The following LMX1A variants were observed in gnomAD, a reference collection of about 807,000 sequenced individuals.
The protein encoded by LMX1A is LIM homeobox transcription factor 1-alpha.
In LMX1A, 15 loss-of-function variants were observed where a neutral mutation model predicts 49.1. That is an observed-to-expected ratio of 0.31 (90% confidence interval 0.20 to 0.47). LMX1A has a LOEUF of 0.47. Among genes scored for constraint, LMX1A ranks in the 20% least tolerant of loss-of-function variants. The pLI is 1.00. For synonymous variants in LMX1A, 167 were observed against 185.7 expected, an observed-to-expected ratio of 0.90 and a Z score of 0.82; for missense variants, 372 against 475.8, an observed-to-expected ratio of 0.78 and a Z score of 2.03.
chr1:165,274,366 G>A (rs889204102), intron 3 of LMX1A, among the ~76,000 whole-genome samples: 2 of 152,086 alleles, frequency 1.3e-5, no homozygotes, highest in African/African-American at 4.8e-5. Flanking sequence ...TGTCTCTAGA[G>A]GAACCCATTC....
chr1:165,307,145 G>C (rs2101730131), intron 3 of LMX1A, among the ~76,000 whole-genome samples: 1 of 152,320 alleles, frequency 6.6e-6, no homozygotes, highest in East Asian at 1.9e-4. Flanking sequence ...AACTCTTTGT[G>C]CTGACCAATA....
chr1:165,230,226 T>C (rs1468034654), intron 4 of LMX1A, among the ~76,000 whole-genome samples: 1 of 152,246 alleles, frequency 6.6e-6, no homozygotes, highest in Non-Finnish European at 1.5e-5. Context: ...GTTTATGGTA[T>C]TTTGTTATTG....
chr1:165,225,681 G>C (rs1425711416), intron 4 of LMX1A, among the ~76,000 whole-genome samples: 1 of 152,218 alleles, frequency 6.6e-6, no homozygotes, highest in African/African-American at 2.4e-5. Context: ...CACCTGGTGG[G>C]CTGGTGAAAA....
At chr1:165,231,090 TTTTATTTATTTA>T (rs140274113) in intron 4 of LMX1A, among the ~76,000 whole-genome samples, 11 of 151,220 alleles carry the variant, frequency 7.3e-5, no homozygotes, top group Non-Finnish European at 1.2e-4. Flanking sequence ...TTTTTAAAAT[TTTTATTTATTTA>T]TTTATTTATT....
At position 165,203,817 on chromosome 1, in the gene LMX1A, T is replaced by C; in HGVS notation, c.*63A>G. 6.5e-7 allele frequency: 1 copy of C among 1,547,488 alleles called. No individual in the cohort carries two copies. The highest frequency in any genetic ancestry group is 8.9e-7 in the Non-Finnish European group (1 of 1,125,292). On this transcript the variant is annotated 3_prime_UTR_variant, in exon 9 of 9. Transcript: ENST00000342310. The stretch of plus-strand genomic sequence containing the variant: ...CCTGGCCTCCCTGTCCTAAAGCCAG[T>C]GACCCCTCAAAGAATATGGTTGTTC...
At chr1:165,303,049 T>C (rs1654822294) in intron 3 of LMX1A, among the ~76,000 whole-genome samples, 1 of 152,230 alleles carries the variant, frequency 6.6e-6, no homozygotes, top group South Asian at 2.1e-4. Flanking sequence ...TCATTATAAA[T>C]TGCTTCAAAT....
chr1:165,286,035 T>C (rs1162511800), intron 3 of LMX1A, among the ~76,000 whole-genome samples: 1 of 152,164 alleles, frequency 6.6e-6, no homozygotes, highest in Admixed American at 6.5e-5. Flanking sequence ...CCCTGAGTGG[T>C]TGCTGTACAG....
intron 3 of LMX1A, among the ~76,000 whole-genome samples, chr1:165,285,163 G>C (rs1288319413): frequency 6.6e-6 from 1 of 152,238 alleles, no homozygotes; most frequent in Non-Finnish European, 1.5e-5. Context: ...CAAGGATCCA[G>C]TGAAGAAAAT....
intron 3 of LMX1A, among the ~76,000 whole-genome samples, chr1:165,286,451 A>C (rs961757397): frequency 1.3e-5 from 2 of 152,206 alleles, no homozygotes; most frequent in Non-Finnish European, 2.9e-5. Flanking sequence ...CAATACCTGG[A>C]CAACAAAAGA....
At chr1:165,219,660 T>C (rs1428467390) in intron 4 of LMX1A, among the ~76,000 whole-genome samples, 1 of 152,244 alleles carries the variant, frequency 6.6e-6, no homozygotes, top group Non-Finnish European at 1.5e-5. Flanking sequence ...AGCTACTGTT[T>C]TGAAACTGTC....
chr1:165,213,059 T>C (rs1651480719), intron 5 of LMX1A: 1 of 152,272 alleles, frequency 6.6e-6, no homozygotes. Context: ...CTCTGGACTG[T>C]GACAGAAGAG....
intron 3 of LMX1A, among the ~76,000 whole-genome samples, chr1:165,289,707 G>A (rs1654405637): frequency 6.6e-6 from 1 of 152,214 alleles, no homozygotes; most frequent in Non-Finnish European, 1.5e-5. Flanking sequence ...AGGATTGGCT[G>A]CTCCAAGATA....
At chr1:165,235,434 A>ACT (rs1166179369) in intron 4 of LMX1A, among the ~76,000 whole-genome samples, 1 of 152,138 alleles carries the variant, frequency 6.6e-6, no homozygotes, top group East Asian at 1.9e-4. Flanking sequence ...TCACACTCAC[A>ACT]CACAAATAAA....
intron 3 of LMX1A, among the ~76,000 whole-genome samples, chr1:165,322,749 G>T (rs1283345502): frequency 6.6e-6 from 1 of 152,050 alleles, no homozygotes; most frequent in Non-Finnish European, 1.5e-5. Flanking sequence ...GATAATGGTT[G>T]CACAAAATTG....
intron 3 of LMX1A, among the ~76,000 whole-genome samples, chr1:165,266,472 A>G (rs1653620667): frequency 6.6e-6 from 1 of 152,060 alleles, no homozygotes. Flanking sequence ...GAAAGGCTAG[A>G]TAGGTCAGAG....
intron 7 of LMX1A, among the ~76,000 whole-genome samples, chr1:165,206,760 G>A (rs1243886881): frequency 6.6e-6 from 1 of 152,066 alleles, no homozygotes; most frequent in African/African-American, 2.4e-5. Context: ...AGAGCCTTAG[G>A]GGTGGAGCTG....
intron 4 of LMX1A, among the ~76,000 whole-genome samples, chr1:165,220,140 G>A (rs902912074): frequency 2.0e-5 from 3 of 152,166 alleles, no homozygotes; most frequent in Non-Finnish European, 4.4e-5. Context: ...ACTGTTCCGA[G>A]TACTGTGAGG....
chr1:165,233,290 A>G (rs571562605), intron 4 of LMX1A, among the ~76,000 whole-genome samples: 1 of 149,406 alleles, frequency 6.7e-6, no homozygotes, highest in South Asian at 2.1e-4. Flanking sequence ...CCCAGTATCT[A>G]CAAAAAATTT....
chr1:165,242,689 A>G (rs1652696357), intron 4 of LMX1A, among the ~76,000 whole-genome samples: 3 of 151,820 alleles, frequency 2.0e-5, no homozygotes, highest in Admixed American at 1.3e-4. Flanking sequence ...ATCCTGCCTA[A>G]CATGGTGAAA....
Sources: allele counts gnomAD v4.1 joint callset (sites outside exome capture counted in the v4.1 genomes callset), GRCh38; gene constraint gnomAD v4.1.1; transcripts MANE v1.5; gene names NCBI Gene and HGNC (gene_info 2026-07-23, HGNC 2026-07-21).